Variants in SORBS2 observed in about 807,000 individuals in gnomAD.
SORBS2 encodes the protein sorbin and SH3 domain containing 2.
Under a neutral mutation model 97.7 loss-of-function variants are expected in SORBS2, and 46 were observed. The observed-to-expected ratio is 0.47, with a 90% CI of 0.37 to 0.60. The LOEUF (loss-of-function observed/expected upper bound fraction) is 0.60. SORBS2 is among the 20% of genes least tolerant of loss of function. The pLI is 0.00. For missense variants in SORBS2, 1,316 were observed against 1,282.3 expected (o/e 1.03, Z -0.40); for synonymous variants, 476 against 473.4 (o/e 1.01, Z -0.07).
At chr4:185,741,404 GTT>G (rs58376567) in intron 2 of SORBS2, among the ~76,000 whole-genome samples, 4 of 111,664 alleles carry the variant, frequency 3.6e-5, no homozygotes, top group Non-Finnish European at 5.1e-5. Flanking sequence ...TTTTTTTTTT[GTT>G]TTTTTTTTTT....
intron 2 of SORBS2, among the ~76,000 whole-genome samples, chr4:185,736,106 C>G (rs1163744343): frequency 1.3e-5 from 2 of 152,352 alleles, no homozygotes; most frequent in Admixed American, 6.5e-5. Context: ...GGCTCAGACA[C>G]ACTCTCCACT....
At chr4:185,677,014 A>G in intron 4 of SORBS2, 1 of 1,550,598 alleles carries the variant, frequency 6.4e-7, no homozygotes, top group Non-Finnish European at 8.7e-7. Context: ...CAGTCTGAGG[A>G]CTGAGAGGCC....
chr4:185,724,842 G>A (rs1438982672), intron 2 of SORBS2, among the ~76,000 whole-genome samples: 1 of 152,086 alleles, frequency 6.6e-6, no homozygotes, highest in Non-Finnish European at 1.5e-5. Context: ...TTCCTGAGTT[G>A]ATTATTCTTT....
At chr4:185,924,861 T>C (rs2099262814) in intron 1 of SORBS2, among the ~76,000 whole-genome samples, 1 of 152,090 alleles carries the variant, frequency 6.6e-6, no homozygotes, top group Non-Finnish European at 1.5e-5. Context: ...CCTATTAAAC[T>C]TTTCGCTCCA....
At chr4:185,594,015 T>G in intron 12 of SORBS2, 80 bp from the exon 25 acceptor site, 1 of 909,422 alleles carries the variant, frequency 1.1e-6, no homozygotes, top group Non-Finnish European at 1.8e-6. Flanking sequence ...GGCATGGTAC[T>G]TTTCTTGACA....
chr4:185,639,924 G>T (rs1158023697), intron 4 of SORBS2, among the ~76,000 whole-genome samples: 1 of 152,138 alleles, frequency 6.6e-6, no homozygotes, highest in African/African-American at 2.4e-5. Context: ...CGCAGTGCTG[G>T]GAGCTTGAAA....
intron 4 of SORBS2, among the ~76,000 whole-genome samples, chr4:185,675,996 A>G (rs1327935941): frequency 6.6e-6 from 1 of 152,210 alleles, no homozygotes; most frequent in Non-Finnish European, 1.5e-5. Context: ...CCTCGAGGAT[A>G]TGTTTTGGAT....
intron 1 of SORBS2, among the ~76,000 whole-genome samples, chr4:185,939,648 T>A (rs1172445995): frequency 6.6e-6 from 1 of 152,160 alleles, no homozygotes; most frequent in East Asian, 1.9e-4. Context: ...GTAGCTGGGA[T>A]TACAGGCACG....
chr4:185,661,158 C>T (rs1301332685), upstream of SORBS2, among the ~76,000 whole-genome samples: 1 of 151,788 alleles, frequency 6.6e-6, no homozygotes, highest in African/African-American at 2.4e-5. Flanking sequence ...CACCTGTAAT[C>T]CCAGCTACTC....
At chr4:185,904,008 A>C (rs1420079328) in intron 1 of SORBS2, among the ~76,000 whole-genome samples, 1 of 152,092 alleles carries the variant, frequency 6.6e-6, no homozygotes, top group Non-Finnish European at 1.5e-5. Flanking sequence ...CTGGAAATTT[A>C]CTCTCTTGGC....
intron 2 of SORBS2, among the ~76,000 whole-genome samples, chr4:185,712,715 C>T (rs1440464458): frequency 2.0e-5 from 3 of 152,320 alleles, no homozygotes; most frequent in Non-Finnish European, 2.9e-5. Flanking sequence ...AGTGCCAAAG[C>T]GGCCAGCGGG....
chr4:185,649,505 G>A, exon 3 of SORBS2: 13 of 1,599,362 alleles, frequency 8.1e-6, no homozygotes, highest in Non-Finnish European at 1.1e-5. Context: ...GAAGCGGCGG[G>A]ACTGGAGGTG....
chr4:185,933,847 T>C (rs779395176), intron 1 of SORBS2, among the ~76,000 whole-genome samples: 6 of 152,168 alleles, frequency 3.9e-5, no homozygotes, highest in Non-Finnish European at 7.3e-5. Flanking sequence ...TCAGTGGCAT[T>C]TCAGTGAAAG....
chr4:185,894,300 G>A (rs953376088), intron 1 of SORBS2: 1 of 152,084 alleles, frequency 6.6e-6, no homozygotes, highest in Non-Finnish European at 1.5e-5. Flanking sequence ...GACTCACCAG[G>A]TGCTTCATGG....
intron 1 of SORBS2, among the ~76,000 whole-genome samples, chr4:185,821,690 T>C (rs1388845229): frequency 1.3e-5 from 2 of 152,140 alleles, no homozygotes; most frequent in African/African-American, 2.4e-5. Flanking sequence ...TCCCAAAGTG[T>C]TGGGATTACA....
At chr4:185,643,880 C>T (rs1043387832) in intron 4 of SORBS2, among the ~76,000 whole-genome samples, 5 of 152,126 alleles carry the variant, frequency 3.3e-5, no homozygotes, top group African/African-American at 4.8e-5. Context: ...GCCATCGCTG[C>T]GACGCCACTC....
chr4:185,831,846 A>T (rs974914397), intron 1 of SORBS2, among the ~76,000 whole-genome samples: 5 of 152,196 alleles, frequency 3.3e-5, no homozygotes, highest in Non-Finnish European at 7.4e-5. Context: ...CTGAGGCAAA[A>T]CTGTGAAGTC....
At chr4:185,898,169 T>C (rs1189327559) in intron 1 of SORBS2, among the ~76,000 whole-genome samples, 1 of 152,246 alleles carries the variant, frequency 6.6e-6, no homozygotes, top group South Asian at 2.1e-4. Flanking sequence ...GTTTTCTGAT[T>C]GACATCCCAT....
At chr4:185,586,421 A>G (rs994848675) in exon 15 of SORBS2, 1 of 152,670 alleles carries the variant, frequency 6.6e-6, no homozygotes, top group Admixed American at 6.5e-5. Context: ...ACACCAGGAA[A>G]ATCAGGCTCA....
Sources: gnomAD v4.1 joint callset for allele counts (sites outside exome capture counted in the v4.1 genomes callset) on GRCh38, gnomAD v4.1.1 for gene constraint, MANE v1.5 for transcripts, NCBI Gene and HGNC (gene_info 2026-07-23, HGNC 2026-07-21) for gene names.